Variants in SRSF4 observed in about 807,000 individuals in gnomAD.
SRSF4 encodes the protein serine/arginine-rich splicing factor 4.
SRSF4 carries 12 observed loss-of-function variants against 48.8 expected under a neutral mutation model. The observed-to-expected ratio is 0.25, with a 90% confidence interval of 0.16 to 0.40. The LOEUF is 0.40. SRSF4 is among the 10% of genes least tolerant of loss of function. The pLI is 1.00. For missense variants in SRSF4, 466 were observed against 667.1 expected, an observed-to-expected ratio of 0.70 and a Z score of 3.32; for synonymous variants, 248 against 232.5, an observed-to-expected ratio of 1.07 and a Z score of -0.61.
At chr1:29,166,528 G>C (rs1246768301) in intron 1 of SRSF4, among the ~76,000 whole-genome samples, 1 of 152,210 alleles carries the variant, frequency 6.6e-6, no homozygotes, top group Non-Finnish European at 1.5e-5. Context: ...CAGGATCAGT[G>C]ATTATGGTTG....
Position 29,181,794 on chromosome 1 carries a change from C to G in SRSF4, c.-42G>C. On this transcript the variant is annotated 5_prime_UTR_variant, in exon 1 of 6. Coordinates refer to ENST00000373795, the MANE Select transcript of SRSF4 (RefSeq NM_005626.5). ...ATGGCTGGCCCCGGCCCCAGCCCCC[C>G]TTAGGCGGCGGCGGGCAAAGCGAGA... The G allele has an allele frequency of 6.6e-7, 1 of 1,505,502 alleles. No homozygotes were observed. The highest frequency in any genetic ancestry group is 2.7e-5 in the East Asian group (1 of 36,824). The allele number at this position is 1,505,502 out of a possible 1,614,324, so 93.3% of individuals were successfully genotyped here. A position where few individuals can be genotyped will look rare whatever the true frequency, so the allele number is the denominator to read the frequency against.
intron 3 of SRSF4, among the ~76,000 whole-genome samples, chr1:29,158,028 C>T (rs1212454493): frequency 1.3e-5 from 2 of 152,030 alleles, no homozygotes; most frequent in African/African-American, 2.4e-5. Context: ...AAAAATTGGC[C>T]GGGCATGGTG....
rs774191902 is a variant in SRSF4, at chr1:29,155,781, C to T, written c.364-871G>A. ...GTGCTAGGATTATAGGCATGGGTCA[C>T]TGTGCCCAGCCCATTTTCTAAATCT... On this transcript the variant is annotated intron_variant, in intron 3 of 5. Coordinates refer to ENST00000373795, the MANE Select transcript of SRSF4 (RefSeq NM_005626.5). Among the ~76,000 whole-genome samples the T allele has an allele frequency of 6.4e-4, 98 of 152,356 alleles. 2 individuals are homozygous for T. The highest frequency in any genetic ancestry group is 5.7e-4 in the Non-Finnish European group (39 of 68,034).
intron 3 of SRSF4, among the ~76,000 whole-genome samples, chr1:29,158,948 T>C (rs1672548827): frequency 1.3e-5 from 2 of 151,820 alleles, no homozygotes; most frequent in African/African-American, 4.8e-5. Flanking sequence ...CTACTAAAAA[T>C]ACAAAAAAAT....
chr1:29,181,616 C>A, intron 1 of SRSF4, 30 bp downstream of exon 1: 1 of 1,559,078 alleles, frequency 6.4e-7, no homozygotes, highest in Non-Finnish European at 8.7e-7. Flanking sequence ...TCTGTCCCCG[C>A]CCGGCCGGAC....
intron 2 of SRSF4, chr1:29,159,706 T>C (rs759767749): frequency 8.2e-6 from 3 of 367,588 alleles, no homozygotes; most frequent in Non-Finnish European, 9.7e-6. Context: ...TATTCATTAA[T>C]ATTTGCATTT....
chr1:29,181,735 G>A lies in SRSF4; in HGVS notation c.18C>T (p.Ile6=), dbSNP rs954852746. 6 of 1,587,632 alleles carry A rather than the reference G, an allele frequency of 3.8e-6. No individual in the cohort carries two copies. Among genetic ancestry groups the A allele is most frequent in the Non-Finnish European group, 3.4e-6 (4 of 1,170,260 alleles). Residue 6 remains isoleucine (I), a synonymous_variant, in exon 1 of 6, where the codon ATC becomes ATT. Coordinates refer to ENST00000373795, the MANE Select transcript of SRSF4 (RefSeq NM_005626.5). Reference sequence around the variant, plus strand: ...CCCGGGCCTGGTAGCTCAGGCGGCCGATGTACACCCGCGGCATCCCGGCAA... The same window carrying A: ...CCCGGGCCTGGTAGCTCAGGCGGCCAATGTACACCCGCGGCATCCCGGCAA... MPRVY[I]GRLSYQARER... is the part of the protein sequence containing the mutation.
In SRSF4 at chr1:29,148,057, AT is replaced by A; in HGVS notation, c.*352del. The A allele has an allele frequency of 2.1e-6, 1 of 487,492 alleles. No individual in the cohort carries two copies. Among genetic ancestry groups the A allele is most frequent in the Non-Finnish European group, 4.0e-6 (1 of 247,940 alleles). 30.2% of individuals were successfully genotyped at this position (487,492 alleles called of 1,614,324 possible). Reference sequence around the variant, plus strand: ...GAAGGGCATCAATTCAAGAGCAAAAATGGTTGAACTCACCATACCTACCTAT... The same window carrying A: ...GAAGGGCATCAATTCAAGAGCAAAAAGGTTGAACTCACCATACCTACCTAT... On this transcript the variant is annotated 3_prime_UTR_variant, in exon 6 of 6. Transcript: ENST00000373795.
intron 4 of SRSF4, among the ~76,000 whole-genome samples, chr1:29,152,129 T>G (rs1485289679): frequency 1.3e-5 from 2 of 152,154 alleles, no homozygotes; most frequent in Admixed American, 6.5e-5. Context: ...AACAAACAAC[T>G]GAAAAATTGG....
In SRSF4 at chr1:29,158,470, C is replaced by A. The variant is rs867354354; in HGVS notation, c.363+904G>T. Among the ~76,000 whole-genome samples, 19 of 150,210 alleles carry A rather than the reference C, an allele frequency of 1.3e-4. No individual in the cohort carries two copies. In the South Asian group the frequency reaches 4.0e-3, roughly 32 times the overall value. On this transcript the variant is annotated intron_variant, in intron 3 of 5. Coordinates refer to ENST00000373795, the MANE Select transcript of SRSF4 (RefSeq NM_005626.5). ...TTTGAGACAGAGTCCTGCTCTACTG[C>A]CCAGGCTGGAGTGCAGTGGCATGAT...
In SRSF4 at chr1:29,148,967, C is replaced by G. The variant is rs200931315; in HGVS notation, c.928G>C (p.Glu310Gln). The G allele has an allele frequency of 9.7e-5, 157 of 1,612,786 alleles. No homozygotes were observed. The Admixed American group carries it at 1.9e-3, about 19-fold the overall frequency. Residue 310 changes from glutamate (E) to glutamine (Q), a missense_variant, in exon 6 of 6, where the codon GAG (glutamate) becomes CAG (glutamine). Glu to Gln is a conservative substitution (Grantham distance 29). Coordinates refer to ENST00000373795, the MANE Select transcript of SRSF4 (RefSeq NM_005626.5). ...SRSRSQERRV[E>Q]EEKRGSVSRG... ...CTCACACTCCCTCGCTTCTCCTCCT[C>G]CACTCTCCTCTCCTGACTCCTGCTC... is the stretch of plus-strand genomic sequence containing the variant.
Position 29,148,159 on chromosome 1 carries a change from T to G in SRSF4, c.*251A>C. ...AAGGCCAGGCCTGAAAGCCAAGGCG[T>G]TTTGGATATTCTACTGTGGGCCATG... is the stretch of plus-strand genomic sequence containing the variant. On this transcript the variant is annotated 3_prime_UTR_variant, in exon 6 of 6. Coordinates refer to ENST00000373795, the MANE Select transcript of SRSF4 (RefSeq NM_005626.5). 1 of 635,766 alleles carries G rather than the reference T, an allele frequency of 1.6e-6. No homozygotes were observed. Among genetic ancestry groups the G allele is most frequent in the Non-Finnish European group, 2.9e-6 (1 of 346,224 alleles). The allele number at this position is 635,766 out of a possible 1,614,324, so 39.4% of individuals were successfully genotyped here. A position where few individuals can be genotyped will look rare whatever the true frequency, so the allele number is the denominator to read the frequency against.
At chr1:29,180,711 T>C (rs1296089951) in intron 1 of SRSF4, among the ~76,000 whole-genome samples, 1 of 152,200 alleles carries the variant, frequency 6.6e-6, no homozygotes, top group Non-Finnish European at 1.5e-5. Flanking sequence ...CTACCTAACA[T>C]CTGGTTCCCA....
chr1:29,181,240 G>A (rs1481664560), intron 1 of SRSF4, among the ~76,000 whole-genome samples: 1 of 152,234 alleles, frequency 6.6e-6, no homozygotes, highest in Non-Finnish European at 1.5e-5. Flanking sequence ...AAAGGGAGCA[G>A]GAAATCCTGT....
intron 4 of SRSF4, 86 bp from the exon 5 acceptor site, chr1:29,150,278 A>T (rs112133435): frequency 1.8e-4 from 124 of 671,668 alleles, no homozygotes; most frequent in African/African-American, 1.8e-3. Flanking sequence ...ATATATATAT[A>T]TTTTAGATGG....
At chr1:29,157,732 C>G (rs1001033998) in intron 3 of SRSF4, among the ~76,000 whole-genome samples, 1 of 152,140 alleles carries the variant, frequency 6.6e-6, no homozygotes, top group African/African-American at 2.4e-5. Flanking sequence ...ACTCATTTGG[C>G]TAGAGATGAC....
At chr1:29,168,181 AT>A (rs916065124) in intron 1 of SRSF4, among the ~76,000 whole-genome samples, 9 of 127,016 alleles carry the variant, frequency 7.1e-5, no homozygotes, top group African/African-American at 1.8e-4. Flanking sequence ...TGCCCGGCAA[AT>A]TTTTTGTAAT....
intron 1 of SRSF4, 94 bp downstream of exon 1, chr1:29,181,552 G>T: frequency 2.7e-6 from 3 of 1,131,756 alleles, no homozygotes; most frequent in Non-Finnish European, 3.7e-6. Context: ...TAGCCGCTCC[G>T]CGCGGACCAG....
chr1:29,181,008 A>C (rs1672946416), intron 1 of SRSF4, among the ~76,000 whole-genome samples: 1 of 152,228 alleles, frequency 6.6e-6, no homozygotes, highest in Non-Finnish European at 1.5e-5. Context: ...ACGGAGTCTT[A>C]AAGATAAGAA....
Sources: allele counts gnomAD v4.1 joint callset (sites outside exome capture counted in the v4.1 genomes callset), GRCh38; gene constraint gnomAD v4.1.1; transcripts MANE v1.5; gene names NCBI Gene and HGNC (gene_info 2026-07-23, HGNC 2026-07-21).